The following ZFHX3 variants were observed in gnomAD, a reference collection of about 807,000 sequenced individuals.
ZFHX3 encodes zinc finger homeobox 3.
A neutral mutation model predicts 279.1 loss-of-function variants in ZFHX3; 42 were observed. That is an observed-to-expected ratio of 0.15 (90% CI 0.12 to 0.19). The LOEUF is 0.19. ZFHX3 is among the 10% of genes least tolerant of loss of function. The pLI, the probability that ZFHX3 is intolerant of heterozygous loss-of-function variation, is 1.00. For missense variants in ZFHX3, 4,981 were observed against 4,754.0 expected, an observed-to-expected ratio of 1.05 and a Z score of -1.40; for synonymous variants, 2,293 against 1,957.8, an observed-to-expected ratio of 1.17 and a Z score of -4.52.
chr16:73,577,315 C>A (rs1287334770), intron 2 of ZFHX3, among the ~76,000 whole-genome samples: 1 of 152,114 alleles, frequency 6.6e-6, no homozygotes, highest in Non-Finnish European at 1.5e-5. Flanking sequence ...TTTGGTGTCT[C>A]CTGTAAACCC....
At chr16:73,089,253 G>A (rs372691139) in intron 8 of ZFHX3, among the ~76,000 whole-genome samples, 47 of 152,120 alleles carry the variant, frequency 3.1e-4, no homozygotes, top group African/African-American at 1.1e-3. Flanking sequence ...ACAGGTACCT[G>A]CCACCACCCC....
At chr16:73,656,817 C>T (rs2052725911) in intron 2 of ZFHX3, among the ~76,000 whole-genome samples, 1 of 152,166 alleles carries the variant, frequency 6.6e-6, no homozygotes, top group South Asian at 2.1e-4. Context: ...ACCCTTTTCT[C>T]ATTCTTTCTA....
chr16:73,641,859 A>G (rs1016962767), intron 2 of ZFHX3, among the ~76,000 whole-genome samples: 6 of 152,156 alleles, frequency 3.9e-5, no homozygotes, highest in African/African-American at 1.4e-4. Flanking sequence ...TTACTTTACA[A>G]AAATAGAAAT....
chr16:73,224,664 C>T (rs889397985), intron 5 of ZFHX3, among the ~76,000 whole-genome samples: 19 of 152,240 alleles, frequency 1.2e-4, no homozygotes, highest in Non-Finnish European at 1.8e-4. Context: ...GCTATAGTAG[C>T]CATGTAGAAT....
intron 5 of ZFHX3, among the ~76,000 whole-genome samples, chr16:73,211,588 C>T (rs2012019440): frequency 6.6e-6 from 1 of 152,058 alleles, no homozygotes; most frequent in South Asian, 2.1e-4. Context: ...TGGAGAAAAC[C>T]CCTGGTGGAG....
chr16:73,094,176 C>T (rs1208455902), intron 7 of ZFHX3, among the ~76,000 whole-genome samples: 2 of 152,152 alleles, frequency 1.3e-5, no homozygotes, highest in Non-Finnish European at 2.9e-5. Context: ...TGATCTTTCT[C>T]CAGCAGCATT....
At chr16:73,674,774 C>G (rs1183238563) in intron 2 of ZFHX3, among the ~76,000 whole-genome samples, 1 of 152,138 alleles carries the variant, frequency 6.6e-6, no homozygotes, top group African/African-American at 2.4e-5. Flanking sequence ...TTTAGAAACC[C>G]TCAGATATGT....
intron 5 of ZFHX3, among the ~76,000 whole-genome samples, chr16:73,211,186 G>C (rs957554534): frequency 6.6e-6 from 1 of 152,072 alleles, no homozygotes; most frequent in Non-Finnish European, 1.5e-5. Context: ...TTGCCTTAAA[G>C]CCCCCCAACT....
rs1427334967 is a variant in ZFHX3 at position 72,794,111 on chromosome 16, A to T, written c.8571T>A (p.Ser2857Arg). The stretch of plus-strand genomic sequence containing the variant: ...TGGTTTCAGTTGCTATTCCCGTTGC[A>T]CTGTCGTTATCTGCGTTGCCCTCGT... ...TGDEGNADND[S>R]ATGIATETKS... Residue 2857 changes from serine (S) to arginine (R), a missense_variant, in exon 9 of 10, where the codon AGT (serine) becomes AGA (arginine). Ser to Arg is a moderately radical substitution (Grantham distance 110, BLOSUM62 -1). Coordinates refer to ENST00000268489, the MANE Select transcript of ZFHX3 (RefSeq NM_006885.4). The surrounding 1 kb of genome is among the most constrained non-coding windows in gnomAD (Gnocchi z 4.2). 6.2e-7 allele frequency: 1 copy of T among 1,614,078 alleles called. No homozygotes were observed. The highest frequency in any genetic ancestry group is 8.5e-7 in the Non-Finnish European group (1 of 1,180,052).
intron 5 of ZFHX3, among the ~76,000 whole-genome samples, chr16:73,254,919 TCCAC>T (rs1348462613): frequency 6.6e-6 from 1 of 151,912 alleles, no homozygotes; most frequent in Non-Finnish European, 1.5e-5. Flanking sequence ...CATCCATCCA[TCCAC>T]CCACCCACCA....
chr16:73,498,176 C>A (rs937499845), intron 2 of ZFHX3, among the ~76,000 whole-genome samples: 1 of 152,158 alleles, frequency 6.6e-6, no homozygotes, highest in African/African-American at 2.4e-5. Context: ...TGGTGACTCC[C>A]CCCATCAACA....
At chr16:73,551,298 T>G (rs1054523059) in intron 2 of ZFHX3, among the ~76,000 whole-genome samples, 20 of 151,948 alleles carry the variant, frequency 1.3e-4, no homozygotes, top group African/African-American at 4.8e-4. Flanking sequence ...GAAACAACCC[T>G]CCCTTCTTCA....
intron 3 of ZFHX3, among the ~76,000 whole-genome samples, chr16:72,909,176 T>C (rs920587857): frequency 1.3e-5 from 2 of 152,200 alleles, no homozygotes; most frequent in East Asian, 3.8e-4. Context: ...CCAGTTTTCC[T>C]AGAATTCATA....
chr16:73,164,196 C>G (rs962258269), intron 5 of ZFHX3, among the ~76,000 whole-genome samples: 10 of 152,226 alleles, frequency 6.6e-5, no homozygotes, highest in Admixed American at 5.2e-4. Context: ...TTTCCTGAAT[C>G]TCTCTGTCCT....
chr16:73,621,875 C>A (rs1251079197), intron 2 of ZFHX3, among the ~76,000 whole-genome samples: 1 of 152,192 alleles, frequency 6.6e-6, no homozygotes, highest in South Asian at 2.1e-4. Flanking sequence ...GAACCAGGAA[C>A]AGCACAAGAC....
intron 5 of ZFHX3, among the ~76,000 whole-genome samples, chr16:73,186,730 A>G (rs1967919358): frequency 6.6e-6 from 1 of 152,078 alleles, no homozygotes; most frequent in African/African-American, 2.4e-5. Flanking sequence ...AAGTTGTTAC[A>G]CAAGTTAAAA....
At chr16:73,427,410 G>A (rs1597331532) in intron 3 of ZFHX3, among the ~76,000 whole-genome samples, 1 of 152,280 alleles carries the variant, frequency 6.6e-6, no homozygotes, top group Middle Eastern at 3.4e-3. Context: ...CACTGTGTGT[G>A]TATCGGCAGC....
chr16:73,818,626 G>C (rs1195121055), intron 1 of ZFHX3, among the ~76,000 whole-genome samples: 1 of 152,142 alleles, frequency 6.6e-6, no homozygotes. Flanking sequence ...GGTTCTAAAG[G>C]ATTTATCTGG....
rs531049569 is a variant in ZFHX3 at position 73,019,675 on chromosome 16, C to T, written c.-50+28077G>A. Reference sequence around the variant, plus strand: ...ACCTGGAGATTGTGAGTCATCACGACGCGCAGGAAGCAACGTCTCAGTCCA... The same window carrying T: ...ACCTGGAGATTGTGAGTCATCACGATGCGCAGGAAGCAACGTCTCAGTCCA... On this transcript the variant is annotated intron_variant, in intron 1 of 9. Coordinates refer to ENST00000268489, the MANE Select transcript of ZFHX3 (RefSeq NM_006885.4). Among the ~76,000 whole-genome samples the T allele has an allele frequency of 7.9e-5, 12 of 152,318 alleles. 1 individual carries two copies. Among genetic ancestry groups the T allele is most frequent in the African/African-American group, 2.4e-4 (10 of 41,558 alleles).
Sources: allele counts gnomAD v4.1 joint callset (sites outside exome capture counted in the v4.1 genomes callset), GRCh38; gene constraint gnomAD v4.1.1; non-coding constraint Gnocchi (gnomAD v3.1); transcripts MANE v1.5; gene names NCBI Gene and HGNC (gene_info 2026-07-23, HGNC 2026-07-21).